The following EPHX4 variants were observed in gnomAD, a reference collection of about 807,000 sequenced individuals.
The protein encoded by EPHX4 is abhydrolase domain containing 7.
In EPHX4, 31 loss-of-function variants were observed where a neutral mutation model predicts 44.9. The ratio of observed to expected loss-of-function variants is 0.69; its 90% CI spans 0.52 to 0.93. EPHX4 has a LOEUF of 0.93. Ranked by LOEUF, EPHX4 falls within the 40% of genes least tolerant of loss-of-function variation. EPHX4 has a pLI of 0.00. For synonymous variants in EPHX4, 151 were observed against 159.7 expected, an observed-to-expected ratio of 0.95 and a Z score of 0.41; for missense variants, 373 against 438.1, an observed-to-expected ratio of 0.85 and a Z score of 1.33.
rs115479149 is a variant in EPHX4 at position 92,056,681 on chromosome 1, A to G, written c.857+4023A>G. The stretch of plus-strand genomic sequence containing the variant: ...TTTTTAATAGTGGTGAGGTGTCACT[A>G]TGTTGCCCAGGCTGGTCTCCAACTC... On this transcript the variant is annotated intron_variant, in intron 6 of 6. Coordinates refer to ENST00000370383, the MANE Select transcript of EPHX4 (RefSeq NM_173567.5). Among the ~76,000 whole-genome samples the G allele has an allele frequency of 1.6e-3, 235 of 149,140 alleles. 1 individual carries two copies. The Middle Eastern group carries it at 0.021, about 13-fold the overall frequency.
intron 2 of EPHX4, among the ~76,000 whole-genome samples, chr1:92,037,110 A>G (rs1688450062): frequency 6.6e-6 from 1 of 152,248 alleles, no homozygotes; most frequent in Admixed American, 6.5e-5. Flanking sequence ...TTACAAATGT[A>G]AATGTTATTC....
chr1:92,054,584 T>C, intron 6 of EPHX4, among the ~76,000 whole-genome samples: 1 of 115,768 alleles, frequency 8.6e-6, no homozygotes, highest in African/African-American at 3.7e-5. Context: ...AGAGACTCCA[T>C]CTCAAAAAAA....
At chr1:92,044,300 T>C (rs1283230033) in intron 3 of EPHX4, among the ~76,000 whole-genome samples, 1 of 152,194 alleles carries the variant, frequency 6.6e-6, no homozygotes, top group African/African-American at 2.4e-5. Context: ...TTTTGAACAA[T>C]TATATTTCAA....
At chr1:92,053,275 G>T (rs1327212652) in intron 6 of EPHX4, among the ~76,000 whole-genome samples, 2 of 152,124 alleles carry the variant, frequency 1.3e-5, no homozygotes, top group Non-Finnish European at 2.9e-5. Context: ...AGGTACCAAA[G>T]CCCTGTGGGA....
intron 4 of EPHX4, among the ~76,000 whole-genome samples, chr1:92,045,905 T>C (rs116520671): frequency 0.033 from 4,951 of 152,284 alleles, 110 homozygotes; most frequent in Non-Finnish European, 0.047. Context: ...TACTGTTAAC[T>C]TGGGGAGGGA....
At chr1:92,035,127 T>C (rs1262588484) in intron 2 of EPHX4, among the ~76,000 whole-genome samples, 1 of 152,212 alleles carries the variant, frequency 6.6e-6, no homozygotes, top group Non-Finnish European at 1.5e-5. Flanking sequence ...AAGATTTTTT[T>C]CCCCTTCTGG....
chr1:92,062,404 T>G lies in EPHX4; in HGVS notation c.858-651T>G, dbSNP rs541971311. Among the ~76,000 whole-genome samples the G allele has an allele frequency of 1.0e-3, 152 of 151,724 alleles. 1 individual carries two copies. The highest frequency in any genetic ancestry group is 3.1e-3 in the African/African-American group (128 of 41,422). On this transcript the variant is annotated intron_variant, in intron 6 of 6. Coordinates refer to ENST00000370383, the MANE Select transcript of EPHX4 (RefSeq NM_173567.5). ...TTCAAGACCAGCCTGGCCAAGATGG[T>G]GAAACCGCATCTCTACTAAAAATAC...
Position 92,052,430 on chromosome 1 carries a change from A to C in EPHX4, c.709-80A>C, listed in dbSNP as rs1182707769. On this transcript the variant is annotated intron_variant, in intron 5 of 6. Transcript: ENST00000370383. ...GAGTTGTCACCACACAATGACCACC[A>C]TCCCCTTTCCAAAGCCAAAGACTTA... The C allele has an allele frequency of 3.4e-5, 46 of 1,359,460 alleles. 1 individual carries two copies. In the East Asian group the frequency reaches 1.1e-3, roughly 32 times the overall value. 84.2% of individuals were successfully genotyped at this position (1,359,460 alleles called of 1,614,324 possible). A position where few individuals can be genotyped will look rare whatever the true frequency, so the allele number is the denominator to read the frequency against.
Position 92,029,993 on chromosome 1 carries a change from A to T in EPHX4, c.-87A>T. 1 of 923,648 alleles carries T rather than the reference A, an allele frequency of 1.1e-6. No homozygotes were observed. The highest frequency in any genetic ancestry group is 1.4e-6 in the Non-Finnish European group (1 of 707,384). 57.2% of individuals were successfully genotyped at this position (923,648 alleles called of 1,614,324 possible). A position where few individuals can be genotyped will look rare whatever the true frequency, so the allele number is the denominator to read the frequency against. ...CCCGGGCCGGGGGAGGCGCGCGTCGAGAGGCGACGGCGGGCTGGCCTGGCG... is the reference window on the plus strand; with the variant it reads ...CCCGGGCCGGGGGAGGCGCGCGTCGTGAGGCGACGGCGGGCTGGCCTGGCG... On this transcript the variant is annotated 5_prime_UTR_variant, in exon 1 of 7. Coordinates refer to ENST00000370383, the MANE Select transcript of EPHX4 (RefSeq NM_173567.5).
At chr1:92,055,222 T>C (rs1473336628) in intron 6 of EPHX4, among the ~76,000 whole-genome samples, 1 of 152,176 alleles carries the variant, frequency 6.6e-6, no homozygotes, top group Non-Finnish European at 1.5e-5. Flanking sequence ...CATTTATATA[T>C]TAATATTGCC....
At chr1:92,035,705 A>T (rs1235307641) in intron 2 of EPHX4, among the ~76,000 whole-genome samples, 2 of 152,162 alleles carry the variant, frequency 1.3e-5, no homozygotes, top group Non-Finnish European at 2.9e-5. Flanking sequence ...TGCAACTATC[A>T]ACCCGTCATG....
intron 6 of EPHX4, 141 bp downstream of exon 6, chr1:92,052,799 C>T (rs1415709502): frequency 1.4e-6 from 1 of 704,294 alleles, no homozygotes; most frequent in Middle Eastern, 4.1e-4. Context: ...GTTGCATAAT[C>T]TTTTTATGGA....
At chr1:92,057,370 C>T (rs1410554880) in intron 6 of EPHX4, among the ~76,000 whole-genome samples, 3 of 151,988 alleles carry the variant, frequency 2.0e-5, no homozygotes, top group African/African-American at 7.2e-5. Flanking sequence ...ACTATTAATA[C>T]AAATGTAACA....
intron 2 of EPHX4, 74 bp from the exon 3 acceptor site, chr1:92,042,746 AAGG>A: frequency 1.5e-6 from 2 of 1,313,634 alleles, no homozygotes; most frequent in African/African-American, 1.5e-5. Context: ...AAAAAAAAGA[AAGG>A]AAAAAGAAAA....
intron 3 of EPHX4, among the ~76,000 whole-genome samples, chr1:92,045,153 G>A (rs1029869562): frequency 1.3e-5 from 2 of 151,854 alleles, no homozygotes; most frequent in South Asian, 2.1e-4. Flanking sequence ...TTGTAGAGAC[G>A]GCTGGGTGTG....
At chr1:92,034,108 C>T (rs146746193) in intron 2 of EPHX4, among the ~76,000 whole-genome samples, 4,647 of 135,414 alleles carry the variant, frequency 0.034, 101 homozygotes, top group Non-Finnish European at 0.048. Context: ...CTGGCTAACA[C>T]GGTGAAACCC....
At chr1:92,061,310 G>A (rs1355548029) in intron 6 of EPHX4, among the ~76,000 whole-genome samples, 2 of 152,204 alleles carry the variant, frequency 1.3e-5, no homozygotes, top group African/African-American at 4.8e-5. Flanking sequence ...CAGAAGTTAA[G>A]TCCATGGTGG....
intron 6 of EPHX4, among the ~76,000 whole-genome samples, chr1:92,054,721 G>A (rs1290845757): frequency 6.6e-6 from 1 of 150,694 alleles, no homozygotes; most frequent in African/African-American, 2.4e-5. Flanking sequence ...ACATAAGAAA[G>A]AATAAAAAAT....
At chr1:92,031,878 AT>A (rs1475056343) in intron 1 of EPHX4, among the ~76,000 whole-genome samples, 7 of 152,020 alleles carry the variant, frequency 4.6e-5, no homozygotes, top group Non-Finnish European at 8.8e-5. Flanking sequence ...GCATTCTCTT[AT>A]TAGAAACGCA....
Sources: allele counts gnomAD v4.1 joint callset (sites outside exome capture counted in the v4.1 genomes callset), GRCh38; gene constraint gnomAD v4.1.1; transcripts MANE v1.5; gene names NCBI Gene and HGNC (gene_info 2026-07-23, HGNC 2026-07-21).